The following NRXN3 variants were observed in gnomAD, a reference collection of about 807,000 sequenced individuals.
NRXN3 encodes the protein neurexin 3, also known as neurexin III.
Under a neutral mutation model 137.6 loss-of-function variants are expected in NRXN3, and 32 were observed. The observed-to-expected ratio is 0.23, with a 90% CI of 0.18 to 0.31. The LOEUF (loss-of-function observed/expected upper bound fraction) is 0.31, where lower values mean the gene tolerates loss of function less well. Ranked by LOEUF, NRXN3 falls within the 10% of genes least tolerant of loss-of-function variation. The pLI, the probability that NRXN3 is intolerant of heterozygous loss-of-function variation, is 1.00. For missense variants in NRXN3, 1,574 were observed against 2,062.5 expected, an observed-to-expected ratio of 0.76 and a Z score of 4.59; for synonymous variants, 798 against 784.5, an observed-to-expected ratio of 1.02 and a Z score of -0.29.
At chr14:79,458,084 A>G (rs1370179221) in intron 15 of NRXN3, among the ~76,000 whole-genome samples, 3 of 152,296 alleles carry the variant, frequency 2.0e-5, no homozygotes, top group Non-Finnish European at 4.4e-5. Flanking sequence ...TAACGTGGCT[A>G]TCCTTAAAGA....
intron 4 of NRXN3, among the ~76,000 whole-genome samples, chr14:78,530,845 T>C (rs1259928566): frequency 2.0e-5 from 3 of 152,226 alleles, no homozygotes; most frequent in Non-Finnish European, 4.4e-5. Flanking sequence ...TGTTAAATTC[T>C]TTTAGGAGCA....
At position 79,401,273 on chromosome 14, in the gene NRXN3, A is replaced by G. The variant is rs1046311330; in HGVS notation, c.3263-65948A>G. Among the ~76,000 whole-genome samples the G allele has an allele frequency of 2.6e-5, 4 of 152,156 alleles. No individual in the cohort carries two copies. The East Asian group carries it at 7.7e-4, about 29-fold the overall frequency. ...TCATTACCCCTGGCCTGAATTACAT[A>G]TTTATGTGAGCCCTCTAGTCCCTGG... On this transcript the variant is annotated intron_variant, in intron 15 of 20. Coordinates refer to ENST00000335750, the MANE Select transcript of NRXN3 (RefSeq NM_001330195.2).
chr14:79,860,915 T>G, intron 20 of NRXN3: 1 of 609,616 alleles, frequency 1.6e-6, no homozygotes, highest in East Asian at 3.1e-5. Context: ...ATGATTAGAC[T>G]CCATCCAGAA....
At chr14:78,428,808 T>C (rs1292880261) in intron 4 of NRXN3, among the ~76,000 whole-genome samples, 2 of 152,172 alleles carry the variant, frequency 1.3e-5, no homozygotes, top group African/African-American at 2.4e-5. Context: ...TCTATTCTGC[T>C]CTTCACCCAA....
chr14:78,993,062 C>T (rs2099522143), intron 15 of NRXN3, among the ~76,000 whole-genome samples: 1 of 152,160 alleles, frequency 6.6e-6, no homozygotes, highest in African/African-American at 2.4e-5. Context: ...TCTTTGCTTG[C>T]AACAAATCAA....
chr14:79,188,493 C>G (rs1428615461), intron 15 of NRXN3, among the ~76,000 whole-genome samples: 1 of 151,992 alleles, frequency 6.6e-6, no homozygotes, highest in Admixed American at 6.6e-5. Context: ...ACAGAGCAAC[C>G]ATGCACATGT....
intron 6 of NRXN3, among the ~76,000 whole-genome samples, chr14:78,683,025 C>A (rs750756618): frequency 8.5e-5 from 13 of 152,186 alleles, no homozygotes; most frequent in Non-Finnish European, 1.6e-4. Flanking sequence ...CCACATCTGG[C>A]TGCTGAGCAC....
chr14:78,677,802 A>G (rs1278050791), intron 6 of NRXN3, among the ~76,000 whole-genome samples: 4 of 152,158 alleles, frequency 2.6e-5, no homozygotes, highest in African/African-American at 7.2e-5. Flanking sequence ...TTGCACAGCC[A>G]CCCCAACATT....
At chr14:78,740,297 C>A (rs1470177973) in intron 8 of NRXN3, among the ~76,000 whole-genome samples, 3 of 152,108 alleles carry the variant, frequency 2.0e-5, no homozygotes, top group Admixed American at 1.3e-4. Flanking sequence ...ATGATTATCG[C>A]CTGATGTCTT....
chr14:79,518,582 A>T (rs926732365), intron 16 of NRXN3, among the ~76,000 whole-genome samples: 1 of 152,096 alleles, frequency 6.6e-6, no homozygotes, highest in Non-Finnish European at 1.5e-5. Context: ...TCCTTACAGA[A>T]TCTTCTTGTT....
chr14:78,342,280 T>C (rs1240014528), intron 4 of NRXN3, among the ~76,000 whole-genome samples: 2 of 152,216 alleles, frequency 1.3e-5, no homozygotes, highest in East Asian at 3.9e-4. Flanking sequence ...CATTTTATTT[T>C]AGTTGAACTT....
At chr14:78,604,681 G>C (rs1353491976) in intron 4 of NRXN3, among the ~76,000 whole-genome samples, 2 of 152,160 alleles carry the variant, frequency 1.3e-5, no homozygotes, top group Non-Finnish European at 2.9e-5. Flanking sequence ...ATTTGAGTCT[G>C]GAGGAGTTAA....
intron 15 of NRXN3, among the ~76,000 whole-genome samples, chr14:79,441,660 G>A (rs1312611842): frequency 2.0e-5 from 3 of 151,876 alleles, no homozygotes; most frequent in East Asian, 1.9e-4. Context: ...GATTACAGGC[G>A]TGAGCCACCA....
intron 19 of NRXN3, among the ~76,000 whole-genome samples, chr14:79,754,519 T>C (rs1463511749): frequency 8.1e-4 from 7 of 8,684 alleles, no homozygotes; most frequent in African/African-American, 4.4e-3. Flanking sequence ...TATATATATA[T>C]ATATATATAT....
chr14:79,481,470 G>A (rs2096607636), intron 16 of NRXN3, among the ~76,000 whole-genome samples: 1 of 152,176 alleles, frequency 6.6e-6, no homozygotes, highest in Admixed American at 6.5e-5. Flanking sequence ...ATATGGTATA[G>A]CCTATTGCAT....
At chr14:79,511,021 G>A (rs1292289161) in intron 16 of NRXN3, among the ~76,000 whole-genome samples, 1 of 152,138 alleles carries the variant, frequency 6.6e-6, no homozygotes, top group Non-Finnish European at 1.5e-5. Flanking sequence ...ACAACGTTAA[G>A]GGCATGGAGT....
chr14:78,791,433 G>T (rs927861823), intron 8 of NRXN3, among the ~76,000 whole-genome samples: 4 of 152,228 alleles, frequency 2.6e-5, no homozygotes, highest in Admixed American at 6.5e-5. Context: ...AGCCAACCCA[G>T]GAGGAATGGT....
intron 15 of NRXN3, among the ~76,000 whole-genome samples, chr14:79,139,280 G>A (rs369754495): frequency 5.7e-4 from 87 of 152,244 alleles, no homozygotes; most frequent in African/African-American, 1.8e-3. Context: ...GACTTTTTAT[G>A]ATGCAGTACT....
At chr14:78,390,221 G>T (rs542042498) in intron 4 of NRXN3, among the ~76,000 whole-genome samples, 1 of 152,176 alleles carries the variant, frequency 6.6e-6, no homozygotes, top group Non-Finnish European at 1.5e-5. Context: ...ATCTAGAGCA[G>T]TGGTTTTTAA....
Sources: gnomAD v4.1 joint callset for allele counts (sites outside exome capture counted in the v4.1 genomes callset) on GRCh38, gnomAD v4.1.1 for gene constraint, MANE v1.5 for transcripts, NCBI Gene and HGNC (gene_info 2026-07-23, HGNC 2026-07-21) for gene names.